Variants in SLC6A16 observed in about 807,000 individuals in gnomAD.
SLC6A16 encodes the protein solute carrier family 6 member 16.
A neutral mutation model predicts 65.4 loss-of-function variants in SLC6A16; 54 were observed. The observed-to-expected ratio is 0.83, with a 90% CI of 0.66 to 1.04. The LOEUF (loss-of-function observed/expected upper bound fraction) is 1.04, where lower values mean the gene tolerates loss of function less well. Among genes scored for constraint, SLC6A16 ranks in the 50% least tolerant of loss-of-function variants. SLC6A16 has a pLI of 0.00. For missense variants in SLC6A16, 816 were observed against 914.0 expected (o/e 0.89, Z 1.38); for synonymous variants, 330 against 346.5 (o/e 0.95, Z 0.53).
intron 7 of SLC6A16, among the ~76,000 whole-genome samples, chr19:49,296,117 G>A (rs960311955): frequency 4.6e-5 from 7 of 152,194 alleles, no homozygotes; most frequent in Admixed American, 6.5e-5. Context: ...AGCCTCCCAA[G>A]TAGCTGGGAC....
At chr19:49,338,824 C>T in the SLC6A16 span, 1 of 1,613,990 alleles carries the variant, frequency 6.2e-7, no homozygotes, top group Non-Finnish European at 8.5e-7. The surrounding 1 kb of genome is among the most constrained non-coding windows in gnomAD (Gnocchi z 5.0). Flanking sequence ...AACGACTCCA[C>T]AATCCTAGAT....
chr19:49,337,880 G>C, the SLC6A16 span: 1 of 1,610,778 alleles, frequency 6.2e-7, no homozygotes, highest in Non-Finnish European at 8.5e-7. Context: ...AGGGGGAGGG[G>C]TGGGGCGGGG....
upstream of SLC6A16, among the ~76,000 whole-genome samples, chr19:49,326,240 C>A (rs1335030284): frequency 6.6e-6 from 1 of 151,978 alleles, no homozygotes; most frequent in Non-Finnish European, 1.5e-5. Context: ...TTGCAAATCT[C>A]TCTAATGTCT....
chr19:49,335,085 G>T, the SLC6A16 span: 2 of 162,798 alleles, frequency 1.2e-5, no homozygotes, highest in Non-Finnish European at 2.7e-5. This position sits in a 1 kb window ranked among gnomAD's most constrained non-coding sequence, Gnocchi z 4.6. Flanking sequence ...GACACAGCTG[G>T]ATGCAGAGAT....
chr19:49,301,504 C>T (rs1195600763), intron 7 of SLC6A16, among the ~76,000 whole-genome samples: 1 of 152,200 alleles, frequency 6.6e-6, no homozygotes, highest in East Asian at 1.9e-4. Flanking sequence ...AGGACCTCAA[C>T]AGCACTCCTG....
the SLC6A16 span, among the ~76,000 whole-genome samples, chr19:49,332,863 A>G: frequency 6.6e-6 from 1 of 152,172 alleles, no homozygotes; most frequent in Non-Finnish European, 1.5e-5. Context: ...GGTGGTGGTT[A>G]GAAACAGAAG....
chr19:49,326,577 G>A (rs952214168), upstream of SLC6A16, among the ~76,000 whole-genome samples: 6 of 152,102 alleles, frequency 3.9e-5, no homozygotes, highest in African/African-American at 1.2e-4. Flanking sequence ...CTTTCAACAC[G>A]TATTTATCGA....
At chr19:49,313,625 C>CAAAAAAAAAAAAAAAAAAAA (rs902187308) in intron 1 of SLC6A16, among the ~76,000 whole-genome samples, 2 of 47,382 alleles carry the variant, frequency 4.2e-5, no homozygotes, top group Non-Finnish European at 1.0e-4. Flanking sequence ...ACTAAAAATG[C>CAAAAAAAAAAAAAAAAAAAA]AAAAAAAAAA....
Position 49,293,283 on chromosome 19 carries a change from G to T in SLC6A16, c.1718C>A (p.Pro573His). 1.9e-6 allele frequency: 3 copies of T among 1,614,120 alleles called. No individual in the cohort carries two copies. The highest frequency in any genetic ancestry group is 2.5e-6 in the Non-Finnish European group (3 of 1,180,002). The change falls in exon 10 of 12, where the codon CCC becomes CAC. Residue 573 changes from proline (P) to histidine (H), a missense_variant. Physicochemically the swap from Pro to His is moderately conservative, Grantham distance 77 (BLOSUM62 -2). Transcript: ENST00000335875. ...RLLSDYWIVF[P>H]IIVVVVFETM... ...TTCAAATACGACAACGACGATGATG[G>T]GGAAGACTATCCAGTAGTCACTCAG...
At chr19:49,337,534 A>C in the SLC6A16 span, 2 of 873,982 alleles carry the variant, frequency 2.3e-6, no homozygotes, top group Non-Finnish European at 3.3e-6. Context: ...AGGTGGGAGG[A>C]TCACTTGAGC....
rs775801766 is a variant in SLC6A16 at position 49,290,395 on chromosome 19, G to C, written c.1942-3C>G. ...TATGGTCGAAGCACCTCTTTTGACT[G>C]TGGAGAGATGGGAAAAGGGTTCAGA... On this transcript the variant is annotated splice_region_variant and splice_polypyrimidine_tract_variant and intron_variant, in intron 11 of 11. Coordinates refer to ENST00000335875, the MANE Select transcript of SLC6A16 (RefSeq NM_014037.3). 4 of 1,607,922 alleles carry C rather than the reference G, an allele frequency of 2.5e-6. No individual in the cohort carries two copies. In the Admixed American group the frequency reaches 5.0e-5, roughly 20 times the overall value.
the SLC6A16 span, chr19:49,340,124 TCC>T: frequency 1.3e-6 from 2 of 1,533,708 alleles, no homozygotes; most frequent in Non-Finnish European, 8.8e-7. Context: ...TTTCTACCTA[TCC>T]CCTTCTCCAG....
At chr19:49,304,491 C>T (rs774546823) in intron 7 of SLC6A16, among the ~76,000 whole-genome samples, 4 of 152,084 alleles carry the variant, frequency 2.6e-5, no homozygotes, top group Non-Finnish European at 5.9e-5. Flanking sequence ...GTTGGCTGGG[C>T]GTGGTGGCTC....
chr19:49,308,997 AGTT>A lies in SLC6A16; in HGVS notation c.1105_1107del (p.Asn369del). On this transcript the variant is annotated inframe_deletion, in exon 7 of 12. Transcript: ENST00000335875. Reference sequence around the variant, plus strand: ...GACACGAGAAAGGCATCACTGAGACAGTTGTTGGACTGGGGCATGTAGGAGGCT... The same window carrying A: ...GACACGAGAAAGGCATCACTGAGACAGTTGGACTGGGGCATGTAGGAGGCT... The A allele has an allele frequency of 6.2e-7, 1 of 1,614,222 alleles. No homozygotes were observed. Among genetic ancestry groups the A allele is most frequent in the Non-Finnish European group, 8.5e-7 (1 of 1,180,034 alleles).
At chr19:49,303,161 G>T (rs1340007910) in intron 7 of SLC6A16, among the ~76,000 whole-genome samples, 1 of 152,164 alleles carries the variant, frequency 6.6e-6, no homozygotes, top group Non-Finnish European at 1.5e-5. Context: ...AGAGTTCATT[G>T]AGACATATTA....
chr19:49,326,513 G>A (rs1018971365), upstream of SLC6A16, among the ~76,000 whole-genome samples: 2 of 152,158 alleles, frequency 1.3e-5, no homozygotes, highest in Non-Finnish European at 2.9e-5. Context: ...GAGATGAAGA[G>A]GAAATTTTGG....
chr19:49,309,790 A>C lies in SLC6A16; in HGVS notation c.737T>G (p.Phe246Cys). ...GGCCTTCAAGGCCTGCTGGTACCAG[A>C]AGTATATGGAGGGTGTTGTCCGTTC... The part of the protein sequence containing the change: ...ECERTTPSIY[F>C]WYQQALKASD... Residue 246 changes from phenylalanine to cysteine, a missense_variant, in exon 5 of 12, where the codon TTC becomes TGC. Phe to Cys is a radical substitution (Grantham distance 205, BLOSUM62 -2). Coordinates refer to ENST00000335875, the MANE Select transcript of SLC6A16 (RefSeq NM_014037.3). 6.2e-7 allele frequency: 1 copy of C among 1,613,766 alleles called. No homozygotes were observed. Among genetic ancestry groups the C allele is most frequent in the Non-Finnish European group, 8.5e-7 (1 of 1,179,816 alleles).
intron 7 of SLC6A16, among the ~76,000 whole-genome samples, chr19:49,296,159 G>C (rs1600612063): frequency 6.6e-6 from 1 of 151,982 alleles, no homozygotes; most frequent in East Asian, 1.9e-4. Flanking sequence ...GCTAATTTTT[G>C]TATTTTTAGT....
intron 1 of SLC6A16, among the ~76,000 whole-genome samples, 188 bp from the exon 2 acceptor site, chr19:49,311,599 A>C (rs1970523845): frequency 6.6e-6 from 1 of 152,104 alleles, no homozygotes; most frequent in South Asian, 2.1e-4. Context: ...CTGTAATCCC[A>C]GCACTTTGGG....
Sources: allele counts gnomAD v4.1 joint callset (sites outside exome capture counted in the v4.1 genomes callset), GRCh38; gene constraint gnomAD v4.1.1; non-coding constraint Gnocchi (gnomAD v3.1); transcripts MANE v1.5; gene names NCBI Gene and HGNC (gene_info 2026-07-23, HGNC 2026-07-21).